The following GON4L variants were observed in gnomAD, a reference collection of about 807,000 sequenced individuals.
GON4L encodes GON-4-like protein.
GON4L carries 87 observed loss-of-function variants against 211.8 expected under a neutral mutation model. The observed-to-expected ratio is 0.41, with a 90% CI of 0.35 to 0.49. The LOEUF is 0.49. Among genes scored for constraint, GON4L ranks in the 20% least tolerant of loss-of-function variants. GON4L has a pLI of 0.15. For missense variants in GON4L, 2,155 were observed against 2,659.5 expected, an observed-to-expected ratio of 0.81 and a Z score of 4.17; for synonymous variants, 875 against 962.6, an observed-to-expected ratio of 0.91 and a Z score of 1.68.
chr1:155,759,373 A>ACT (rs1661527615), intron 24 of GON4L, among the ~76,000 whole-genome samples: 1 of 152,094 alleles, frequency 6.6e-6, no homozygotes, highest in Non-Finnish European at 1.5e-5. Flanking sequence ...GGAGTTCGAG[A>ACT]CCAGCCTGAC....
intron 28 of GON4L, 83 bp downstream of exon 28, chr1:155,754,292 G>T: frequency 1.2e-6 from 1 of 851,114 alleles, no homozygotes. Context: ...TGCCTTTTTA[G>T]GAATTCAGTA....
downstream of GON4L, among the ~76,000 whole-genome samples, chr1:155,745,395 C>T (rs537970761): frequency 1.3e-5 from 2 of 152,196 alleles, no homozygotes; most frequent in African/African-American, 2.4e-5. Context: ...GATGAGGGGG[C>T]ATGGGAGGCT....
intron 2 of GON4L, among the ~76,000 whole-genome samples, chr1:155,841,241 T>G (rs1346259801): frequency 2.6e-5 from 4 of 152,186 alleles, no homozygotes; most frequent in Non-Finnish European, 4.4e-5. Flanking sequence ...TGCTAATTCT[T>G]TATGTGTTGT....
At chr1:155,785,228 C>G (rs760397373) in intron 13 of GON4L, 106 bp downstream of exon 13, 2 of 810,596 alleles carry the variant, frequency 2.5e-6, no homozygotes, top group South Asian at 1.3e-5. Context: ...AGAATTGGTT[C>G]AGTCAGACCC....
intron 16 of GON4L, among the ~76,000 whole-genome samples, chr1:155,775,421 G>A (rs1173845778): frequency 5.3e-5 from 8 of 151,668 alleles, no homozygotes; most frequent in Admixed American, 4.6e-4. Flanking sequence ...TCTAGCTCCT[G>A]AACTAGAAGT....
intron 10 of GON4L, among the ~76,000 whole-genome samples, chr1:155,813,127 C>A (rs1242140911): frequency 6.6e-6 from 1 of 152,100 alleles, no homozygotes; most frequent in Non-Finnish European, 1.5e-5. Context: ...TAGTTCATTT[C>A]TTCCTTAGAA....
intron 20 of GON4L, chr1:155,767,054 C>A: frequency 1.7e-6 from 1 of 575,240 alleles, no homozygotes; most frequent in Non-Finnish European, 3.0e-6. Context: ...CAAAACAAAA[C>A]AACAACAAAA....
At chr1:155,756,482 A>C (rs533754062) in intron 27 of GON4L, 20 of 160,620 alleles carry the variant, frequency 1.2e-4, no homozygotes, top group Admixed American at 1.1e-3. Flanking sequence ...TATCAGCCTG[A>C]CCTTTGGTTT....
chr1:155,789,556 G>A (rs943053180), intron 12 of GON4L, among the ~76,000 whole-genome samples: 8 of 151,842 alleles, frequency 5.3e-5, no homozygotes, highest in African/African-American at 4.8e-5. Context: ...TGGGAAGATC[G>A]CTTGACCGCA....
At chr1:155,766,804 G>A (rs1046158049) in intron 20 of GON4L, 95 bp from the exon 21 acceptor site, 1 of 1,588,084 alleles carries the variant, frequency 6.3e-7, no homozygotes, top group African/African-American at 1.3e-5. Context: ...CCAGCACTTT[G>A]GGAGGCTGAA....
chr1:155,788,155 C>T (rs962591943), intron 12 of GON4L, among the ~76,000 whole-genome samples: 1 of 152,024 alleles, frequency 6.6e-6, no homozygotes, highest in African/African-American at 2.4e-5. Context: ...CCACGCCTGG[C>T]TAATTTTTTG....
intron 2 of GON4L, among the ~76,000 whole-genome samples, chr1:155,840,976 G>A (rs1054246304): frequency 6.6e-6 from 1 of 152,024 alleles, no homozygotes; most frequent in Non-Finnish European, 1.5e-5. Flanking sequence ...CGGAGGTTGC[G>A]GTGAGCCAAG....
rs140892435 is a variant in GON4L, at chr1:155,751,711, G to C, written c.6576+56C>G. 2,052 of 1,164,282 alleles carry C rather than the reference G, an allele frequency of 1.8e-3. 10 individuals are homozygous for C. Among genetic ancestry groups the C allele is most frequent in the African/African-American group, 0.01 (690 of 66,286 alleles). 72.1% of individuals were successfully genotyped at this position (1,164,282 alleles called of 1,614,324 possible). On this transcript the variant is annotated intron_variant, in intron 31 of 31. Transcript: ENST00000368331. ...AACTCCTTCTTTGGCCTTTCTGTCT[G>C]TTAGTTGGCCACCTTGACCTCTTTT...
chr1:155,799,033 C>T (rs151206602), intron 11 of GON4L, among the ~76,000 whole-genome samples: 3 of 152,144 alleles, frequency 2.0e-5, no homozygotes, highest in East Asian at 3.9e-4. Context: ...GCTGATATAC[C>T]CCTCCTGTAT....
chr1:155,795,703 G>A (rs971743344), intron 11 of GON4L, among the ~76,000 whole-genome samples: 2 of 152,018 alleles, frequency 1.3e-5, no homozygotes, highest in African/African-American at 4.8e-5. Context: ...GCAGTGGCAC[G>A]ATCATGGCTC....
At position 155,777,609 on chromosome 1, in the gene GON4L, A is replaced by G; in HGVS notation, c.2091+13T>C. The stretch of plus-strand genomic sequence containing the variant: ...AAAAAATCCAATGTTAACATGACCA[A>G]GAAAAGTCCTACCTGCTGCATCTGC... On this transcript the variant is annotated intron_variant, in intron 15 of 31. Transcript: ENST00000368331. 2 of 1,603,932 alleles carry G rather than the reference A, an allele frequency of 1.2e-6. No homozygotes were observed. Among genetic ancestry groups the G allele is most frequent in the Non-Finnish European group, 1.7e-6 (2 of 1,170,884 alleles).
chr1:155,766,990 A>C, intron 20 of GON4L: 1 of 551,022 alleles, frequency 1.8e-6, no homozygotes, highest in Non-Finnish European at 3.2e-6. Context: ...AGGTTGCGAG[A>C]AGCCGAGATC....
At chr1:155,769,438 A>G (rs1035885616) in intron 19 of GON4L, among the ~76,000 whole-genome samples, 6 of 152,216 alleles carry the variant, frequency 3.9e-5, no homozygotes, top group African/African-American at 7.2e-5. Flanking sequence ...TGGGGAGGAA[A>G]AAGCCCAAAA....
intron 2 of GON4L, among the ~76,000 whole-genome samples, chr1:155,827,327 T>C (rs985460281): frequency 6.6e-6 from 1 of 152,208 alleles, no homozygotes; most frequent in Admixed American, 6.5e-5. Context: ...TTTATATAGA[T>C]GACCATTAAC....
Sources: allele counts gnomAD v4.1 joint callset (sites outside exome capture counted in the v4.1 genomes callset), GRCh38; gene constraint gnomAD v4.1.1; transcripts MANE v1.5; gene names NCBI Gene and HGNC (gene_info 2026-07-23, HGNC 2026-07-21).